STARD13: variants seen among roughly 807,000 people sequenced by gnomAD.
STARD13 encodes stAR-related lipid transfer protein 13.
STARD13 carries 62 observed loss-of-function variants against 106.4 expected under a neutral mutation model. The ratio of observed to expected loss-of-function variants is 0.58; its 90% CI spans 0.48 to 0.72. STARD13 has a LOEUF of 0.72. STARD13 is among the 30% of genes least tolerant of loss of function. STARD13 has a pLI of 0.00. For synonymous variants in STARD13, 565 were observed against 553.0 expected, an observed-to-expected ratio of 1.02 and a Z score of -0.31; for missense variants, 1,387 against 1,424.0, an observed-to-expected ratio of 0.97 and a Z score of 0.42.
At chr13:33,368,296 A>T in the STARD13 span, among the ~76,000 whole-genome samples, 11 of 152,290 alleles carry the variant, frequency 7.2e-5, no homozygotes, top group African/African-American at 2.6e-4. Context: ...TCGTAGATAG[A>T]TCTATGCCGG....
In STARD13 at chr13:33,128,974, T is replaced by A. The variant is rs1320529307; in HGVS notation, c.1703A>T (p.Asp568Val). Residue 568 changes from aspartate to valine, a missense_variant, in exon 5 of 14, where the codon GAC becomes GTC. Transcript: ENST00000336934. ...LNESEPPGVR[D>V]RRDSGVGASL... ...GGCCCCTACACCAGAATCCCTCCTG[T>A]CTCTGACCCCAGGAGGCTCAGATTC... 1 of 1,614,054 alleles carries A rather than the reference T, an allele frequency of 6.2e-7. No individual in the cohort carries two copies. The highest frequency in any genetic ancestry group is 1.1e-5 in the South Asian group (1 of 91,024).
chr13:33,666,097 C>G, the STARD13 span, among the ~76,000 whole-genome samples: 1 of 152,214 alleles, frequency 6.6e-6, no homozygotes, highest in Non-Finnish European at 1.5e-5. Context: ...AGCCTTCTTA[C>G]AGAATCTCTG....
At chr13:33,215,195 A>G (rs1001686457) in intron 1 of STARD13, among the ~76,000 whole-genome samples, 4 of 151,412 alleles carry the variant, frequency 2.6e-5, no homozygotes, top group African/African-American at 7.3e-5. Context: ...TTGCTTTCAC[A>G]TAAGGATTCT....
chr13:33,180,424 C>G (rs1594057203), intron 1 of STARD13: 2 of 152,328 alleles, frequency 1.3e-5, no homozygotes, highest in South Asian at 4.1e-4. Context: ...ACCAAACACT[C>G]CAGGACCTTG....
At chr13:33,621,301 A>C in the STARD13 span, among the ~76,000 whole-genome samples, 2 of 152,156 alleles carry the variant, frequency 1.3e-5, no homozygotes, top group Non-Finnish European at 2.9e-5. Flanking sequence ...AATATATTAG[A>C]AAAAAGTTTC....
rs1434115564 is a variant in STARD13, at chr13:33,214,099, G to A, written c.170-46477C>T. Among the ~76,000 whole-genome samples, 3 of 152,162 alleles carry A rather than the reference G, an allele frequency of 2.0e-5. 1 individual carries two copies. Among genetic ancestry groups the A allele is most frequent in the South Asian group, 2.1e-4 (1 of 4,830 alleles). On this transcript the variant is annotated intron_variant, in intron 1 of 13. Coordinates refer to ENST00000336934, the MANE Select transcript of STARD13 (RefSeq NM_178006.4). Reference sequence around the variant, plus strand: ...CGGGGTTCGCATCACAAGCGACTGTGCGATGAAATATTCTAAAAATCTAGC... The same window carrying A: ...CGGGGTTCGCATCACAAGCGACTGTACGATGAAATATTCTAAAAATCTAGC...
chr13:33,295,704 CG>C (rs112934415), intron 1 of STARD13, among the ~76,000 whole-genome samples: 1,529 of 151,248 alleles, frequency 0.01, 14 homozygotes, highest in Non-Finnish European at 0.015. Context: ...AGAGGGTGCC[CG>C]GGGGGGGCAG....
At chr13:33,317,771 T>G (rs1325362955) in intron 1 of STARD13, among the ~76,000 whole-genome samples, 10 of 152,222 alleles carry the variant, frequency 6.6e-5, no homozygotes, top group Non-Finnish European at 4.4e-5. Context: ...AAGTAAACTC[T>G]ATGAGAGCAC....
At chr13:33,674,475 G>T in the STARD13 span, among the ~76,000 whole-genome samples, 11 of 152,152 alleles carry the variant, frequency 7.2e-5, no homozygotes, top group South Asian at 2.1e-4. Context: ...ATCAGGATTT[G>T]GTTCTTAGCA....
chr13:33,230,479 C>T (rs1000237201), intron 1 of STARD13, among the ~76,000 whole-genome samples: 2 of 152,200 alleles, frequency 1.3e-5, no homozygotes, highest in Non-Finnish European at 2.9e-5. Flanking sequence ...TCAGAAAAAT[C>T]TTCATTTTAA....
the STARD13 span, among the ~76,000 whole-genome samples, chr13:33,666,653 C>G: frequency 2.0e-5 from 3 of 151,932 alleles, no homozygotes; most frequent in African/African-American, 7.3e-5. Context: ...TGCAGTGGCG[C>G]GATCTCGACT....
At chr13:33,143,613 C>T (rs989081418) in intron 3 of STARD13, among the ~76,000 whole-genome samples, 14 of 151,558 alleles carry the variant, frequency 9.2e-5, no homozygotes, top group South Asian at 4.3e-4. Flanking sequence ...AGTGCAGTTT[C>T]GCAATCTCCG....
At chr13:33,208,107 T>G (rs576353765) in intron 1 of STARD13, among the ~76,000 whole-genome samples, 1 of 152,292 alleles carries the variant, frequency 6.6e-6, no homozygotes, top group South Asian at 2.1e-4. Context: ...TCCTAAAATG[T>G]GCAAGACATT....
chr13:33,543,427 G>A, the STARD13 span, among the ~76,000 whole-genome samples: 3 of 152,162 alleles, frequency 2.0e-5, no homozygotes, highest in African/African-American at 2.4e-5. Flanking sequence ...GATAATCAGA[G>A]AAAGGAAAAG....
chr13:33,447,703 A>G, the STARD13 span, among the ~76,000 whole-genome samples: 4 of 152,252 alleles, frequency 2.6e-5, no homozygotes, highest in Non-Finnish European at 5.9e-5. Context: ...CAGAAATAGT[A>G]TGCTCTAAGA....
chr13:33,154,721 G>T (rs796354071), intron 3 of STARD13, among the ~76,000 whole-genome samples: 2 of 152,186 alleles, frequency 1.3e-5, no homozygotes, highest in Non-Finnish European at 2.9e-5. Flanking sequence ...ATTGAGTGGG[G>T]TGTCCTTAGC....
chr13:33,219,165 C>T (rs564258592), intron 1 of STARD13, among the ~76,000 whole-genome samples: 12 of 152,232 alleles, frequency 7.9e-5, no homozygotes, highest in South Asian at 6.2e-4. Context: ...CTGAGGGAGA[C>T]GGTCACCATG....
At chr13:33,580,357 A>C in the STARD13 span, among the ~76,000 whole-genome samples, 6 of 152,102 alleles carry the variant, frequency 3.9e-5, no homozygotes, top group South Asian at 1.2e-3. Context: ...TCTTATGGAG[A>C]TAATAAAAAG....
the STARD13 span, among the ~76,000 whole-genome samples, chr13:33,574,793 GA>G: frequency 6.6e-6 from 1 of 151,838 alleles, no homozygotes; most frequent in Admixed American, 6.6e-5. Flanking sequence ...AAATATAGTT[GA>G]AATGTGTTCC....
Sources: gnomAD v4.1 joint callset for allele counts (sites outside exome capture counted in the v4.1 genomes callset) on GRCh38, gnomAD v4.1.1 for gene constraint, MANE v1.5 for transcripts, NCBI Gene and HGNC (gene_info 2026-07-23, HGNC 2026-07-21) for gene names.